PCYT1A: variants seen among roughly 807,000 people sequenced by gnomAD.
PCYT1A encodes the protein phosphate cytidylyltransferase 1A, choline.
In PCYT1A, 25 loss-of-function variants were observed where a neutral mutation model predicts 43.7. That is an observed-to-expected ratio of 0.57 (90% CI 0.42 to 0.80). PCYT1A has a LOEUF of 0.80. Among genes scored for constraint, PCYT1A ranks in the 30% least tolerant of loss-of-function variants. The probability of loss-of-function intolerance (pLI) is 0.00; values close to 1 mark genes in which losing one functional copy is unlikely to be tolerated. For synonymous variants in PCYT1A, 172 were observed against 170.7 expected (o/e 1.01, Z -0.06); for missense variants, 421 against 474.2 (o/e 0.89, Z 1.04).
intron 7 of PCYT1A, chr3:196,241,603 GC>G: frequency 7.6e-7 from 1 of 1,314,716 alleles, no homozygotes; most frequent in Non-Finnish European, 9.9e-7. Context: ...CACGAGGAGG[GC>G]TCATAGCCTT....
intron 3 of PCYT1A, among the ~76,000 whole-genome samples, chr3:196,251,819 G>A (rs951005687): frequency 6.6e-6 from 1 of 152,248 alleles, no homozygotes; most frequent in South Asian, 2.1e-4. Flanking sequence ...GGGATACCAG[G>A]TGGCTGTGAG....
intron 5 of PCYT1A, among the ~76,000 whole-genome samples, chr3:196,245,106 A>AAATAAATAAAT (rs1044310138): frequency 2.7e-4 from 41 of 151,680 alleles, no homozygotes; most frequent in African/African-American, 9.4e-4. Flanking sequence ...ATAAATAAAT[A>AAATAAATAAAT]AAAGAAGTTT....
At chr3:196,271,469 G>A (rs1048049318) in intron 1 of PCYT1A, among the ~76,000 whole-genome samples, 3 of 152,214 alleles carry the variant, frequency 2.0e-5, no homozygotes, top group Admixed American at 1.3e-4. Flanking sequence ...AGGCTGGAGC[G>A]CAGTGGCTAC....
intron 1 of PCYT1A, among the ~76,000 whole-genome samples, chr3:196,276,756 T>C (rs946874052): frequency 1.3e-5 from 2 of 152,106 alleles, no homozygotes; most frequent in Non-Finnish European, 2.9e-5. Context: ...GAAAGTTTGC[T>C]GAGGAATAGG....
In PCYT1A at chr3:196,265,653, T is replaced by G. The variant is rs375372124; in HGVS notation, c.117+4762A>C. On this transcript the variant is annotated intron_variant, in intron 2 of 8. Coordinates refer to ENST00000431016, the MANE Select transcript of PCYT1A (RefSeq NM_001312673.2). ...AGCTAATGAGCTCCACCGGGTGTGG[T>G]GGCTCACGCCTGTCATCTCAGCACT... Among the ~76,000 whole-genome samples the G allele has an allele frequency of 8.5e-5, 13 of 152,148 alleles. No homozygotes were observed. The East Asian group carries it at 1.6e-3, about 18-fold the overall frequency.
Position 196,238,782 on chromosome 3 carries a change from G to T in PCYT1A, c.1010C>A (p.Pro337His), listed in dbSNP as rs148500335. Residue 337 changes from proline to histidine, a missense_variant, in exon 9 of 9, where the codon CCC (proline) becomes CAC (histidine). Pro to His is a moderately conservative substitution (Grantham distance 77). Around this residue, in one of 3 missense-constraint regions of PCYT1A, gnomAD observed 108 missense variants for 85.7 expected, o/e 1.26. Transcript: ENST00000431016. The stretch of plus-strand genomic sequence containing the variant: ...AGGTGGGGAAGTCTTGCCGGAGAAG[G>T]GCCATCGGAAAGAGGGGGAGGGGGA... Reference protein sequence around the residue: ...ERSPSPSFRWPFSGKTSPPCS... With the variant: ...ERSPSPSFRWHFSGKTSPPCS... The T allele has an allele frequency of 3.1e-6, 5 of 1,588,844 alleles. No homozygotes were observed. The highest frequency in any genetic ancestry group is 1.1e-5 in the South Asian group (1 of 87,568).
Position 196,241,220 on chromosome 3 carries a change from C to T in PCYT1A, c.708+728G>A, listed in dbSNP as rs1040306210. 2.6e-5 allele frequency among the ~76,000 whole-genome samples: 4 copies of T among 151,008 alleles called. 1 individual carries two copies. The highest frequency in any genetic ancestry group is 2.6e-4 in the Admixed American group (4 of 15,134). ...CACAGCTATTCAGGAGGCTAAGGCACCAGGAGACAGAGGCTGCAGTGAGCC... is the reference window on the plus strand; with the variant it reads ...CACAGCTATTCAGGAGGCTAAGGCATCAGGAGACAGAGGCTGCAGTGAGCC... On this transcript the variant is annotated intron_variant, in intron 7 of 8. Transcript: ENST00000431016.
intron 2 of PCYT1A, among the ~76,000 whole-genome samples, chr3:196,266,145 G>A (rs1297204382): frequency 6.6e-6 from 1 of 151,648 alleles, no homozygotes; most frequent in African/African-American, 2.4e-5. Flanking sequence ...ATCTTTACAC[G>A]TCTACCACCT....
intron 1 of PCYT1A, among the ~76,000 whole-genome samples, chr3:196,281,167 C>G (rs1342109710): frequency 6.6e-5 from 10 of 152,220 alleles, no homozygotes; most frequent in Non-Finnish European, 5.9e-5. Context: ...TGGGATGTTT[C>G]TCTGCTTCTA....
At chr3:196,254,077 AGTG>A (rs1232390854) in intron 3 of PCYT1A, among the ~76,000 whole-genome samples, 1 of 150,498 alleles carries the variant, frequency 6.6e-6, no homozygotes, top group African/African-American at 2.4e-5. Flanking sequence ...CCCAGGCTAG[AGTG>A]CAGTGACGTG....
At chr3:196,260,810 C>T (rs1725087253) in intron 2 of PCYT1A, among the ~76,000 whole-genome samples, 1 of 152,206 alleles carries the variant, frequency 6.6e-6, no homozygotes. Context: ...CTACCGTACT[C>T]GTCTGGGAGA....
Position 196,247,415 on chromosome 3 carries a change from C to T in PCYT1A, c.438G>A (p.Val146=). The T allele has an allele frequency of 1.2e-6, 2 of 1,614,246 alleles. No homozygotes were observed. The highest frequency in any genetic ancestry group is 8.5e-7 in the Non-Finnish European group (1 of 1,180,032). ...GTGTCAGCGTCCAGGGCGCATTCCT[C>T]ACCACCTCATCCACGTAGCGGCAGT... ...VQHCRYVDEV[V]RNAPWTLTPE... Residue 146 remains valine (V), a synonymous_variant, in exon 5 of 9, where the codon GTG becomes GTA. Transcript: ENST00000431016. This position sits in a 1 kb window ranked among gnomAD's most constrained non-coding sequence, Gnocchi z 4.8.
chr3:196,241,729 G>A, intron 7 of PCYT1A: 1 of 1,323,806 alleles, frequency 7.6e-7, no homozygotes, highest in Non-Finnish European at 1.0e-6. Flanking sequence ...TTATTTAGTT[G>A]GCTGTATGGC....
chr3:196,258,473 T>C (rs141725666), intron 2 of PCYT1A, among the ~76,000 whole-genome samples: 150 of 152,290 alleles, frequency 9.8e-4, no homozygotes, highest in African/African-American at 3.5e-3. Context: ...TCCTATAACT[T>C]TGCTAAAGTT....
rs1408929771 is a variant in PCYT1A at position 196,242,073 on chromosome 3, G to A, written c.583C>T (p.Gln195Ter). 1.2e-6 allele frequency: 2 copies of A among 1,614,056 alleles called. No homozygotes were observed. The highest frequency in any genetic ancestry group is 2.2e-5 in the South Asian group (2 of 91,082). ...IKEAGMFAPT[Q>*]RTEGISTSDI... ...GATGTGGAGATACCTTCTGTCCTCT[G>A]TGTTGGAGCAAACATGCCTAACTCA... The change falls in exon 7 of 9, where the codon CAG (glutamine) becomes TAG (stop). Residue 195 changes from glutamine to a stop codon, truncating the protein, a stop_gained. Coordinates refer to ENST00000431016, the MANE Select transcript of PCYT1A (RefSeq NM_001312673.2). LOFTEE classifies it high-confidence loss of function. This position sits in a 1 kb window ranked among gnomAD's most constrained non-coding sequence, Gnocchi z 4.2.
chr3:196,269,637 G>A (rs1463817285), intron 2 of PCYT1A, among the ~76,000 whole-genome samples: 1 of 152,074 alleles, frequency 6.6e-6, no homozygotes, highest in African/African-American at 2.4e-5. Context: ...TTCATCTAAG[G>A]TTTGGCAATA....
chr3:196,234,884 C>A lies in PCYT1A; in HGVS notation c.*3804G>T, dbSNP rs1724120520. ...TCTATTCTATGAGAGAAAACAAGAA[C>A]AATCATTGTTATGACTTTGAAAAAT... On this transcript the variant is annotated 3_prime_UTR_variant, in exon 9 of 9. Transcript: ENST00000431016. 1 of 152,140 alleles carries A rather than the reference C, an allele frequency of 6.6e-6. No homozygotes were observed. Among genetic ancestry groups the A allele is most frequent in the African/African-American group, 2.4e-5 (1 of 41,422 alleles). The allele number at this position is 152,140 out of a possible 1,614,324, so 9.4% of individuals were successfully genotyped here.
chr3:196,249,420 G>T (rs1490159007), intron 3 of PCYT1A, among the ~76,000 whole-genome samples: 1 of 150,968 alleles, frequency 6.6e-6, no homozygotes, highest in Non-Finnish European at 1.5e-5. Context: ...TTCCAGGTGT[G>T]AGCCACCATG....
chr3:196,244,758 CT>C (rs1358848216), intron 5 of PCYT1A, among the ~76,000 whole-genome samples: 1 of 152,224 alleles, frequency 6.6e-6, no homozygotes, highest in Non-Finnish European at 1.5e-5. Flanking sequence ...AAAAATTCTT[CT>C]GCCTTGGGAT....
Sources: gnomAD v4.1 joint callset for allele counts (sites outside exome capture counted in the v4.1 genomes callset) on GRCh38, gnomAD v4.1.1 for gene constraint, gnomAD v4.1.1 regional missense constraint, Gnocchi (gnomAD v3.1) non-coding constraint, MANE v1.5 for transcripts, NCBI Gene and HGNC (gene_info 2026-07-23, HGNC 2026-07-21) for gene names.